The following SIPA1L2 variants were observed in gnomAD, a reference collection of about 807,000 sequenced individuals.
The protein encoded by SIPA1L2 is signal induced proliferation associated 1 like 2, also known as signal-induced proliferation-associated 1-like protein 2.
SIPA1L2 carries 56 observed loss-of-function variants against 163.9 expected under a neutral mutation model. The observed-to-expected ratio is 0.34, with a 90% CI of 0.28 to 0.43. The LOEUF (loss-of-function observed/expected upper bound fraction) is 0.43, where lower values mean the gene tolerates loss of function less well. Ranked by LOEUF, SIPA1L2 falls within the 20% of genes least tolerant of loss-of-function variation. The probability of loss-of-function intolerance (pLI) is 1.00; values close to 1 mark genes in which losing one functional copy is unlikely to be tolerated. For missense variants in SIPA1L2, 1,974 were observed against 2,193.5 expected (o/e 0.90, Z 2.00); for synonymous variants, 877 against 865.7 (o/e 1.01, Z -0.23).
intron 1 of SIPA1L2, among the ~76,000 whole-genome samples, chr1:232,623,061 T>TG (rs1272766093): frequency 1.3e-5 from 2 of 151,846 alleles, no homozygotes; most frequent in African/African-American, 4.8e-5. Flanking sequence ...GGAGGATGGG[T>TG]GGGGGTGGAT....
At chr1:232,469,709 G>A (rs558941257) in intron 8 of SIPA1L2, among the ~76,000 whole-genome samples, 1 of 151,944 alleles carries the variant, frequency 6.6e-6, no homozygotes, top group South Asian at 2.1e-4. Flanking sequence ...ATAAGGCAAT[G>A]TACTTTGTTA....
At chr1:232,546,696 C>T (rs143947704) in intron 2 of SIPA1L2, among the ~76,000 whole-genome samples, 1 of 152,122 alleles carries the variant, frequency 6.6e-6, no homozygotes, top group Non-Finnish European at 1.5e-5. Context: ...GTAGGACAGT[C>T]GGCATTCTGG....
rs1664284838 is a variant in SIPA1L2 at position 232,462,355 on chromosome 1, C to T, written c.2821-1194G>A. ...TGAAGTTTCAGTTTAATGAACACTC[C>T]ATTTCTATGAAACATGCTCTGACTA... On this transcript the variant is annotated intron_variant, in intron 9 of 22. Coordinates refer to ENST00000674635, the MANE Select transcript of SIPA1L2 (RefSeq NM_020808.5). The T allele has an allele frequency of 3.9e-6, 6 of 1,524,808 alleles. No individual in the cohort carries two copies. The African/African-American group carries it at 6.9e-5, about 18-fold the overall frequency. The allele number at this position is 1,524,808 out of a possible 1,614,324, so 94.5% of individuals were successfully genotyped here. A position where few individuals can be genotyped will look rare whatever the true frequency, so the allele number is the denominator to read the frequency against.
chr1:232,617,320 C>A (rs929274092), intron 1 of SIPA1L2, among the ~76,000 whole-genome samples: 7 of 152,048 alleles, frequency 4.6e-5, no homozygotes, highest in South Asian at 2.1e-4. Flanking sequence ...AAGATGAGAC[C>A]CAGTGGGGAA....
intron 19 of SIPA1L2, among the ~76,000 whole-genome samples, chr1:232,411,981 T>G (rs930863160): frequency 6.6e-6 from 1 of 152,240 alleles, no homozygotes; most frequent in Non-Finnish European, 1.5e-5. Context: ...GGGAGCTTAC[T>G]GAGTCCTTAT....
intron 2 of SIPA1L2, among the ~76,000 whole-genome samples, chr1:232,557,404 G>A (rs564422247): frequency 6.6e-6 from 1 of 152,166 alleles, no homozygotes; most frequent in South Asian, 2.1e-4. Context: ...TTGGTCAAAG[G>A]TTACAAAAAA....
In SIPA1L2 at chr1:232,532,336, A is replaced by G. The variant is rs553061915; in HGVS notation, c.-269-16728T>C. ...ATGAAGTTGACCTTTATTAAGATAGAGAAGATTGTAGAAGGGAGTAGCAGT... is the reference window on the plus strand; with the variant it reads ...ATGAAGTTGACCTTTATTAAGATAGGGAAGATTGTAGAAGGGAGTAGCAGT... On this transcript the variant is annotated intron_variant, in intron 2 of 22. Coordinates refer to ENST00000674635, the MANE Select transcript of SIPA1L2 (RefSeq NM_020808.5). Among the ~76,000 whole-genome samples the G allele has an allele frequency of 3.3e-5, 5 of 152,292 alleles. No homozygotes were observed. The South Asian group carries it at 1.0e-3, about 32-fold the overall frequency.
intron 2 of SIPA1L2, among the ~76,000 whole-genome samples, chr1:232,558,064 A>T (rs765085005): frequency 1.6e-4 from 25 of 152,140 alleles, no homozygotes; most frequent in Non-Finnish European, 1.8e-4. Flanking sequence ...TTCAAACAGA[A>T]CCCTACTTGG....
intron 22 of SIPA1L2, among the ~76,000 whole-genome samples, chr1:232,401,011 A>G (rs1276354157): frequency 6.6e-6 from 1 of 151,558 alleles, no homozygotes; most frequent in East Asian, 1.9e-4. Flanking sequence ...AACACCTCCA[A>G]CCCAGCCATT....
intron 17 of SIPA1L2, among the ~76,000 whole-genome samples, chr1:232,426,508 A>C (rs1661912124): frequency 1.3e-5 from 2 of 152,088 alleles, no homozygotes; most frequent in Non-Finnish European, 2.9e-5. Flanking sequence ...AAAATACAAA[A>C]AATTAGCTGG....
chr1:232,626,855 T>C (rs1255919112), intron 1 of SIPA1L2, among the ~76,000 whole-genome samples: 2 of 152,220 alleles, frequency 1.3e-5, no homozygotes, highest in Admixed American at 1.3e-4. Context: ...AAAGGGATCA[T>C]GAAAATAGTT....
chr1:232,488,074 T>TC (rs1417193635), intron 5 of SIPA1L2, among the ~76,000 whole-genome samples: 1 of 151,914 alleles, frequency 6.6e-6, no homozygotes, highest in Non-Finnish European at 1.5e-5. Flanking sequence ...TGCCTCAGCC[T>TC]CCCTAGTAGC....
intron 22 of SIPA1L2, among the ~76,000 whole-genome samples, chr1:232,401,665 G>A (rs937271722): frequency 2.0e-5 from 3 of 152,134 alleles, no homozygotes; most frequent in African/African-American, 7.2e-5. Flanking sequence ...CCCTCCTTGT[G>A]ACTAGATCAG....
At chr1:232,422,924 A>G (rs181372345) in intron 18 of SIPA1L2, among the ~76,000 whole-genome samples, 66 of 152,370 alleles carry the variant, frequency 4.3e-4, no homozygotes, top group African/African-American at 1.5e-3. Flanking sequence ...CATAGAAAGA[A>G]GAGGATTATT....
At chr1:232,616,248 G>A (rs981419582) in intron 1 of SIPA1L2, among the ~76,000 whole-genome samples, 1 of 152,172 alleles carries the variant, frequency 6.6e-6, no homozygotes, top group East Asian at 1.9e-4. Context: ...CAACACAAGA[G>A]TTCTAACATC....
chr1:232,558,640 A>AT (rs562078737), intron 2 of SIPA1L2, among the ~76,000 whole-genome samples: 28 of 150,958 alleles, frequency 1.9e-4, no homozygotes, highest in Middle Eastern at 3.4e-3. Context: ...CCCCAAACAA[A>AT]TTTTTTTTTT....
chr1:232,556,634 T>C (rs907646411), intron 2 of SIPA1L2, among the ~76,000 whole-genome samples: 3 of 152,068 alleles, frequency 2.0e-5, no homozygotes, highest in Admixed American at 2.0e-4. Context: ...AAAGAAATTA[T>C]GTGTCTTCGG....
chr1:232,508,865 G>A (rs561067298), intron 3 of SIPA1L2, among the ~76,000 whole-genome samples: 1 of 152,244 alleles, frequency 6.6e-6, no homozygotes. Flanking sequence ...GCTGAGGTGG[G>A]TGGATCACCT....
chr1:232,486,510 A>G (rs188817900), intron 5 of SIPA1L2, among the ~76,000 whole-genome samples: 170 of 152,330 alleles, frequency 1.1e-3, no homozygotes, highest in African/African-American at 3.8e-3. Context: ...CAGATGTCTT[A>G]GGACAGCTGC....
Sources: gnomAD v4.1 joint callset for allele counts (sites outside exome capture counted in the v4.1 genomes callset) on GRCh38, gnomAD v4.1.1 for gene constraint, MANE v1.5 for transcripts, NCBI Gene and HGNC (gene_info 2026-07-23, HGNC 2026-07-21) for gene names.